SNRNP40: variants seen among roughly 807,000 people sequenced by gnomAD.
SNRNP40 encodes small nuclear ribonucleoprotein U5 subunit 40, also known as U5 small nuclear ribonucleoprotein 40 kDa protein.
Under a neutral mutation model 45.8 loss-of-function variants are expected in SNRNP40, and 21 were observed. The observed-to-expected ratio is 0.46, with a 90% CI of 0.32 to 0.66. SNRNP40 has a LOEUF of 0.66. Ranked by LOEUF, SNRNP40 falls within the 30% of genes least tolerant of loss-of-function variation. The pLI, the probability that SNRNP40 is intolerant of heterozygous loss-of-function variation, is 0.03. For missense variants in SNRNP40, 344 were observed against 439.1 expected (o/e 0.78, Z 1.94); for synonymous variants, 142 against 163.8 (o/e 0.87, Z 1.01).
At chr1:31,283,507 G>A (rs935730691) in intron 4 of SNRNP40, among the ~76,000 whole-genome samples, 7 of 152,188 alleles carry the variant, frequency 4.6e-5, no homozygotes, top group Non-Finnish European at 1.5e-5. Flanking sequence ...GGAAGCTGAG[G>A]TGCAAGAATC....
intron 8 of SNRNP40, among the ~76,000 whole-genome samples, chr1:31,262,211 A>C (rs1332243299): frequency 6.6e-6 from 1 of 152,128 alleles, no homozygotes; most frequent in African/African-American, 2.4e-5. Context: ...TAGAATGGGA[A>C]GGGGCCAAGA....
intron 8 of SNRNP40, among the ~76,000 whole-genome samples, chr1:31,262,494 C>G (rs1156918505): frequency 7.7e-6 from 1 of 129,752 alleles, no homozygotes; most frequent in Non-Finnish European, 1.5e-5. Flanking sequence ...GCCCTCTAGC[C>G]TGGGTGACAG....
intron 5 of SNRNP40, among the ~76,000 whole-genome samples, chr1:31,274,483 C>T (rs568427327): frequency 3.3e-5 from 5 of 152,054 alleles, no homozygotes; most frequent in African/African-American, 7.2e-5. Context: ...CCTTGTGATC[C>T]GCCCACCTCA....
intron 5 of SNRNP40, among the ~76,000 whole-genome samples, chr1:31,273,846 A>T (rs1328150040): frequency 6.6e-6 from 1 of 152,202 alleles, no homozygotes; most frequent in Non-Finnish European, 1.5e-5. Context: ...TGCAAGGTAC[A>T]GTTGCATACG....
chr1:31,289,780 G>T (rs541149050), intron 3 of SNRNP40, among the ~76,000 whole-genome samples: 1 of 152,182 alleles, frequency 6.6e-6, no homozygotes, highest in Non-Finnish European at 1.5e-5. Flanking sequence ...GTGCTGCAGA[G>T]ATCAGACAGA....
chr1:31,296,773 C>A lies in SNRNP40; in HGVS notation c.-22G>T. 6.4e-7 allele frequency: 1 copy of A among 1,560,990 alleles called. No homozygotes were observed. Among genetic ancestry groups the A allele is most frequent in the Non-Finnish European group, 8.7e-7 (1 of 1,152,908 alleles). ...TCATGGCGGCAACCGGTCTCTTCAG[C>A]GCCGCCACTGACCGCGCTGCCGCTC... On this transcript the variant is annotated 5_prime_UTR_variant, in exon 1 of 10. Coordinates refer to ENST00000263694, the MANE Select transcript of SNRNP40 (RefSeq NM_004814.3).
intron 5 of SNRNP40, among the ~76,000 whole-genome samples, chr1:31,276,016 A>C (rs940759385): frequency 2.6e-5 from 4 of 152,218 alleles, no homozygotes; most frequent in African/African-American, 9.7e-5. Flanking sequence ...AAACAGCCTA[A>C]ATGTCCAATG....
At chr1:31,274,830 G>C (rs1645964204) in intron 5 of SNRNP40, among the ~76,000 whole-genome samples, 1 of 152,086 alleles carries the variant, frequency 6.6e-6, no homozygotes, top group Non-Finnish European at 1.5e-5. Context: ...GGTGGGAACA[G>C]CATTATCTGC....
chr1:31,275,493 G>A (rs986999790), intron 5 of SNRNP40, among the ~76,000 whole-genome samples: 2 of 152,048 alleles, frequency 1.3e-5, no homozygotes, highest in African/African-American at 4.8e-5. Context: ...GGGTTCAAGC[G>A]ATTCTCGTGC....
chr1:31,276,988 T>C (rs1440867989), intron 5 of SNRNP40, among the ~76,000 whole-genome samples: 1 of 151,648 alleles, frequency 6.6e-6, no homozygotes, highest in East Asian at 1.9e-4. Context: ...GAGCTGAGAT[T>C]GTGCCATTGC....
intron 4 of SNRNP40, among the ~76,000 whole-genome samples, chr1:31,285,714 AT>A (rs1646053029): frequency 1.3e-5 from 2 of 152,224 alleles, no homozygotes; most frequent in Admixed American, 6.5e-5. Context: ...CTGGAATCAT[AT>A]GTTAAATTTA....
chr1:31,295,380 G>T (rs1646139510), intron 1 of SNRNP40, among the ~76,000 whole-genome samples: 1 of 152,134 alleles, frequency 6.6e-6, no homozygotes, highest in Admixed American at 6.5e-5. Context: ...AGCAATGTGG[G>T]TTCCACAGTA....
At chr1:31,279,542 G>A (rs530163586) in intron 5 of SNRNP40, among the ~76,000 whole-genome samples, 152 of 152,218 alleles carry the variant, frequency 1.0e-3, no homozygotes, top group Non-Finnish European at 6.6e-4. Context: ...GAGGTCAGGA[G>A]TTCGAGACCA....
intron 2 of SNRNP40, among the ~76,000 whole-genome samples, chr1:31,292,546 A>G: frequency 6.6e-6 from 1 of 152,238 alleles, no homozygotes; most frequent in East Asian, 1.9e-4. Context: ...GACGGGTATC[A>G]TCCACCCGGC....
intron 1 of SNRNP40, among the ~76,000 whole-genome samples, chr1:31,295,645 T>G (rs1184767942): frequency 6.6e-6 from 1 of 152,238 alleles, no homozygotes; most frequent in Non-Finnish European, 1.5e-5. Flanking sequence ...ATTTTGGTTT[T>G]TACTCTGGAT....
intron 9 of SNRNP40, chr1:31,261,096 T>A: frequency 9.3e-7 from 1 of 1,077,526 alleles, no homozygotes; most frequent in Non-Finnish European, 1.3e-6. Flanking sequence ...ATCCCAGCAC[T>A]TTGGGAGGCT....
At chr1:31,268,392 C>T (rs1318500019) in intron 7 of SNRNP40, among the ~76,000 whole-genome samples, 3 of 151,532 alleles carry the variant, frequency 2.0e-5, no homozygotes, top group African/African-American at 7.3e-5. Context: ...AAGTGATCCT[C>T]CCACTTCAGC....
Position 31,291,897 on chromosome 1 carries a change from T to G in SNRNP40, c.365+16A>C, listed in dbSNP as rs1480849598. The stretch of plus-strand genomic sequence containing the variant: ...TTAGTATGAGAAGCTGTCCTTCCAT[T>G]ATGCAGAATACTCACCTGCCATCTG... On this transcript the variant is annotated intron_variant, in intron 3 of 9. Coordinates refer to ENST00000263694, the MANE Select transcript of SNRNP40 (RefSeq NM_004814.3). 1 of 1,537,264 alleles carries G rather than the reference T, an allele frequency of 6.5e-7. No homozygotes were observed.
chr1:31,296,551 C>A (rs1646161623), intron 1 of SNRNP40, 60 bp downstream of exon 1: 12 of 1,544,064 alleles, frequency 7.8e-6, no homozygotes, highest in Non-Finnish European at 9.6e-6. Flanking sequence ...TCACCAGATA[C>A]AGCGCTCTGA....
Sources: gnomAD v4.1 joint callset for allele counts (sites outside exome capture counted in the v4.1 genomes callset) on GRCh38, gnomAD v4.1.1 for gene constraint, MANE v1.5 for transcripts, NCBI Gene and HGNC (gene_info 2026-07-23, HGNC 2026-07-21) for gene names.